DOCK3: variants seen among roughly 807,000 people sequenced by gnomAD.
DOCK3 encodes dedicator of cytokinesis protein 3.
In DOCK3, 60 loss-of-function variants were observed where a neutral mutation model predicts 265.6. The ratio of observed to expected loss-of-function variants is 0.23; its 90% CI spans 0.18 to 0.28. The LOEUF is 0.28. Among genes scored for constraint, DOCK3 ranks in the 10% least tolerant of loss-of-function variants. The pLI is 1.00. For synonymous variants in DOCK3, 881 were observed against 938.0 expected, an observed-to-expected ratio of 0.94 and a Z score of 1.11; for missense variants, 1,981 against 2,594.3, an observed-to-expected ratio of 0.76 and a Z score of 5.14.
At chr3:50,989,383 CA>C (rs989531817) in intron 5 of DOCK3, among the ~76,000 whole-genome samples, 3 of 152,258 alleles carry the variant, frequency 2.0e-5, no homozygotes, top group Admixed American at 2.0e-4. Context: ...AGCTAGCAGT[CA>C]GGGGGGAGAG....
chr3:50,849,912 C>T (rs559099252), intron 3 of DOCK3, among the ~76,000 whole-genome samples: 34 of 151,692 alleles, frequency 2.2e-4, no homozygotes, highest in African/African-American at 6.8e-4. Context: ...AGCGAAACCT[C>T]GTCTTTAAAA....
At chr3:50,928,887 C>T (rs953321290) in intron 4 of DOCK3, among the ~76,000 whole-genome samples, 2 of 152,164 alleles carry the variant, frequency 1.3e-5, no homozygotes, top group Non-Finnish European at 2.9e-5. Flanking sequence ...GTGTTTTTTA[C>T]TGTCAGTACA....
At chr3:50,787,490 G>A (rs770610741) in intron 2 of DOCK3, 4 of 479,338 alleles carry the variant, frequency 8.3e-6, no homozygotes, top group Non-Finnish European at 1.5e-5. Flanking sequence ...AGCCGAGATC[G>A]CGCCATTGCA....
chr3:50,701,381 G>A (rs555992868), intron 1 of DOCK3, among the ~76,000 whole-genome samples: 38 of 152,298 alleles, frequency 2.5e-4, no homozygotes, highest in African/African-American at 8.7e-4. Context: ...GCCTCCCAAA[G>A]TGATGGGATT....
intron 5 of DOCK3, among the ~76,000 whole-genome samples, chr3:51,007,929 T>G (rs2078755372): frequency 6.6e-6 from 1 of 152,206 alleles, no homozygotes; most frequent in South Asian, 2.1e-4. Flanking sequence ...ATCAGATGAT[T>G]ATAGATGTGT....
chr3:51,208,719 T>C, intron 12 of DOCK3, 55 bp from the exon 13 acceptor site: 1 of 1,436,254 alleles, frequency 7.0e-7, no homozygotes, highest in Non-Finnish European at 9.6e-7. Context: ...CATTGGAACA[T>C]CAGACCAGTT....
rs765405944 is a variant in DOCK3, at chr3:51,270,842, A to G, written c.2383A>G (p.Ile795Val). Residue 795 changes from isoleucine (I) to valine (V), a missense_variant, in exon 24 of 53, where the codon ATC becomes GTC. Physicochemically the swap from Ile to Val is conservative, Grantham distance 29. This residue lies in a region of DOCK3 where 1,357 missense variants were observed against 1,866.8 expected (regional missense o/e 0.73). Coordinates refer to ENST00000266037, the MANE Select transcript of DOCK3 (RefSeq NM_004947.5). Reference sequence around the variant, plus strand: ...TGCACTCCTCAATTCTTTCCCAACCATCTTTGATGAGCTTCTGCAAATGTT... The same window carrying G: ...TGCACTCCTCAATTCTTTCCCAACCGTCTTTGATGAGCTTCTGCAAATGTT... ...QAALLNSFPT[I>V]FDELLQMFTV... 8 of 1,613,866 alleles carry G rather than the reference A, an allele frequency of 5.0e-6. 1 individual carries two copies. The South Asian group carries it at 6.6e-5, about 13-fold the overall frequency.
intron 46 of DOCK3, 130 bp downstream of exon 46, chr3:51,358,207 G>T (rs1002497367): frequency 1.2e-6 from 1 of 831,554 alleles, no homozygotes; most frequent in Non-Finnish European, 1.9e-6. Flanking sequence ...GAGAGAGGCT[G>T]TCCTCCCTAC....
intron 5 of DOCK3, among the ~76,000 whole-genome samples, chr3:51,009,625 T>C (rs557003205): frequency 6.6e-6 from 1 of 152,346 alleles, no homozygotes; most frequent in East Asian, 1.9e-4. Flanking sequence ...CCTTCAGTTC[T>C]GCTCTGATCT....
intron 7 of DOCK3, among the ~76,000 whole-genome samples, chr3:51,085,540 T>C (rs1488942564): frequency 6.6e-6 from 1 of 151,976 alleles, no homozygotes; most frequent in Non-Finnish European, 1.5e-5. Context: ...TATAAACACA[T>C]GGAAATTAAA....
chr3:51,302,922 T>C (rs982097025), intron 27 of DOCK3, among the ~76,000 whole-genome samples: 1 of 152,162 alleles, frequency 6.6e-6, no homozygotes, highest in Non-Finnish European at 1.5e-5. Flanking sequence ...TTGTGGAGTA[T>C]CTTACTGGGG....
intron 27 of DOCK3, among the ~76,000 whole-genome samples, chr3:51,302,073 T>C (rs1318242466): frequency 6.6e-6 from 1 of 152,230 alleles, no homozygotes; most frequent in Non-Finnish European, 1.5e-5. Context: ...TCTAAGTCTC[T>C]CTATAGGTCT....
chr3:50,857,987 A>G (rs1460926695), intron 3 of DOCK3, among the ~76,000 whole-genome samples: 1 of 152,236 alleles, frequency 6.6e-6, no homozygotes, highest in Non-Finnish European at 1.5e-5. Context: ...ACGTATGTTT[A>G]TTGCAGCACT....
At chr3:51,098,222 A>G (rs779179903) in intron 9 of DOCK3, among the ~76,000 whole-genome samples, 1 of 151,864 alleles carries the variant, frequency 6.6e-6, no homozygotes, top group Admixed American at 6.6e-5. Flanking sequence ...ATGCCCATCT[A>G]ATTTTTGTAT....
chr3:51,331,716 G>T (rs2109973156), intron 33 of DOCK3, among the ~76,000 whole-genome samples: 1 of 152,278 alleles, frequency 6.6e-6, no homozygotes, highest in African/African-American at 2.4e-5. Context: ...CCAGCTACTT[G>T]GGAGGCTAAG....
intron 6 of DOCK3, among the ~76,000 whole-genome samples, chr3:51,066,100 T>A (rs1471495875): frequency 6.6e-6 from 1 of 152,170 alleles, no homozygotes; most frequent in Non-Finnish European, 1.5e-5. Flanking sequence ...AAATTTTATG[T>A]AATCCCTAGG....
At chr3:51,157,889 T>C (rs2085933657) in intron 10 of DOCK3, among the ~76,000 whole-genome samples, 1 of 148,202 alleles carries the variant, frequency 6.7e-6, no homozygotes, top group Non-Finnish European at 1.5e-5. Flanking sequence ...CACTGCAAGC[T>C]CTGCCTCCCG....
chr3:50,754,521 T>G (rs2040035827), intron 1 of DOCK3, among the ~76,000 whole-genome samples: 1 of 151,996 alleles, frequency 6.6e-6, no homozygotes, highest in Admixed American at 6.6e-5. Flanking sequence ...GCTGCAAATT[T>G]GAGTGAGAAT....
intron 5 of DOCK3, among the ~76,000 whole-genome samples, chr3:51,007,918 G>C (rs904101432): frequency 6.6e-6 from 1 of 152,198 alleles, no homozygotes; most frequent in Non-Finnish European, 1.5e-5. Flanking sequence ...GTTTGTCAAA[G>C]ATCAGATGAT....
Sources: gnomAD v4.1 joint callset for allele counts (sites outside exome capture counted in the v4.1 genomes callset) on GRCh38, gnomAD v4.1.1 for gene constraint, gnomAD v4.1.1 regional missense constraint, MANE v1.5 for transcripts, NCBI Gene and HGNC (gene_info 2026-07-23, HGNC 2026-07-21) for gene names.